The following OR4Q3 variants were observed in gnomAD, a reference collection of about 807,000 sequenced individuals.
The protein encoded by OR4Q3 is olfactory receptor family 4 subfamily Q member 3.
A neutral mutation model predicts 18.8 loss-of-function variants in OR4Q3; 17 were observed. That is an observed-to-expected ratio of 0.91 (90% CI 0.62 to 1.36). OR4Q3 has a LOEUF of 1.36. Ranked by LOEUF, OR4Q3 falls within the 40% of genes most tolerant of loss-of-function variation. The pLI, the probability that OR4Q3 is intolerant of heterozygous loss-of-function variation, is 0.00. For missense variants in OR4Q3, 378 were observed against 373.4 expected, an observed-to-expected ratio of 1.01 and a Z score of -0.10; for synonymous variants, 158 against 145.8, an observed-to-expected ratio of 1.08 and a Z score of -0.60.
chr14:19,751,858 T>C, downstream of OR4Q3, among the ~76,000 whole-genome samples: 1 of 152,214 alleles, frequency 6.6e-6, no homozygotes, highest in African/African-American at 2.4e-5. Context: ...ACCTTTTGTA[T>C]AGATTTTTGC....
At chr14:19,748,101 C>T in exon 2 of OR4Q3, 24 of 1,614,092 alleles carry the variant, frequency 1.5e-5, no homozygotes, top group Non-Finnish European at 2.0e-5. Flanking sequence ...ATCCTGATCA[C>T]CCTGAGAACA....
intron 1 of OR4Q3, among the ~76,000 whole-genome samples, chr14:19,746,059 T>G: frequency 6.6e-6 from 1 of 152,006 alleles, no homozygotes; most frequent in Admixed American, 6.6e-5. Context: ...AGGTTTTCAT[T>G]TTTAGAATTT....
chr14:19,749,963 CT>C, downstream of OR4Q3, among the ~76,000 whole-genome samples: 1 of 141,918 alleles, frequency 7.0e-6, no homozygotes, highest in East Asian at 2.1e-4. Flanking sequence ...TTCTTTCTCT[CT>C]CTTTCTCTCT....
chr14:19,752,177 A>G, downstream of OR4Q3, among the ~76,000 whole-genome samples: 2 of 152,238 alleles, frequency 1.3e-5, no homozygotes, highest in African/African-American at 4.8e-5. Context: ...AGTGGGACCT[A>G]GGTAAATGAA....
chr14:19,746,662 T>C, intron 1 of OR4Q3, among the ~76,000 whole-genome samples: 3 of 152,208 alleles, frequency 2.0e-5, no homozygotes, highest in Non-Finnish European at 4.4e-5. Flanking sequence ...TTTTACAAAC[T>C]TCCTAATTTC....
exon 2 of OR4Q3, chr14:19,747,635 A>C: frequency 6.2e-7 from 1 of 1,613,986 alleles, no homozygotes; most frequent in East Asian, 2.2e-5. Context: ...TCTCTCTTTC[A>C]TTGACCTATG....
intron 1 of OR4Q3, among the ~76,000 whole-genome samples, chr14:19,745,568 AT>A: frequency 6.6e-6 from 1 of 152,170 alleles, no homozygotes; most frequent in East Asian, 1.9e-4. Context: ...AATTAAAAAA[AT>A]AACTTTGGTT....
chr14:19,746,452 G>A, intron 1 of OR4Q3, among the ~76,000 whole-genome samples: 1 of 152,138 alleles, frequency 6.6e-6, no homozygotes, highest in African/African-American at 2.4e-5. Context: ...GAAAAGTCCA[G>A]AAGCAACACA....
chr14:19,747,376 C>G, intron 1 of OR4Q3, 30 bp from the exon 2 acceptor site: 1 of 1,217,156 alleles, frequency 8.2e-7, no homozygotes, highest in Non-Finnish European at 1.2e-6. Context: ...TACCTTAAAT[C>G]TCCCTTGTTC....
chr14:19,743,917 C>T (rs1877370938), intron 1 of OR4Q3, among the ~76,000 whole-genome samples: 1 of 152,144 alleles, frequency 6.6e-6, no homozygotes, highest in East Asian at 1.9e-4. Context: ...AAGACAGTTG[C>T]AATATTTGGA....
chr14:19,746,316 T>G, intron 1 of OR4Q3, among the ~76,000 whole-genome samples: 30 of 152,184 alleles, frequency 2.0e-4, no homozygotes, highest in Admixed American at 8.5e-4. Context: ...GTTCTCTGAT[T>G]TTCTGTTTGT....
At chr14:19,744,059 C>T (rs1205157964) in intron 1 of OR4Q3, among the ~76,000 whole-genome samples, 4 of 150,746 alleles carry the variant, frequency 2.7e-5, no homozygotes, top group East Asian at 3.9e-4. Flanking sequence ...TTTCTTTTTA[C>T]TAAAATCCTC....
exon 2 of OR4Q3, chr14:19,747,520 T>G: frequency 2.5e-6 from 4 of 1,613,576 alleles, no homozygotes; most frequent in East Asian, 4.5e-5. Flanking sequence ...TCTTACTATT[T>G]TTGTTTTTTT....
chr14:19,750,945 G>A, downstream of OR4Q3, among the ~76,000 whole-genome samples: 1 of 152,228 alleles, frequency 6.6e-6, no homozygotes, highest in East Asian at 1.9e-4. Context: ...TGAAGTGCAG[G>A]AAACTGCCCA....
At position 19,747,428 on chromosome 14, in the gene OR4Q3, AT is replaced by A; in HGVS notation, c.26del (p.Met9ArgfsTer9). 2 of 1,590,792 alleles carry A rather than the reference AT, an allele frequency of 1.3e-6. No individual in the cohort carries two copies. The highest frequency in any genetic ancestry group is 1.7e-6 in the Non-Finnish European group (2 of 1,169,596). On this transcript the variant is annotated frameshift_variant, in exon 2 of 2. Transcript: ENST00000642117. LOFTEE classifies it high-confidence loss of function. ...TAGGTCACTTGATATTCTTGGCTTG[AT>A]GAAAAAAGAACAAGATTCTAATGTG...
chr14:19,751,545 T>TA, downstream of OR4Q3, among the ~76,000 whole-genome samples: 1 of 150,892 alleles, frequency 6.6e-6, no homozygotes, highest in African/African-American at 2.4e-5. Flanking sequence ...TTTTTTTTTT[T>TA]AAATTACTGA....
downstream of OR4Q3, among the ~76,000 whole-genome samples, chr14:19,749,892 T>C: frequency 5.7e-5 from 1 of 17,648 alleles, no homozygotes. Context: ...CTTTCTTTCT[T>C]TCTTTCTTTC....
At chr14:19,747,493 G>C in exon 2 of OR4Q3, 1 of 1,613,562 alleles carries the variant, frequency 6.2e-7, no homozygotes, top group Non-Finnish European at 8.5e-7. Context: ...CTTCTTGGGA[G>C]CTGCAGCTAT....
downstream of OR4Q3, among the ~76,000 whole-genome samples, chr14:19,749,646 A>G: frequency 6.7e-6 from 1 of 148,650 alleles, no homozygotes; most frequent in Non-Finnish European, 1.5e-5. Flanking sequence ...AAAGCAAGCT[A>G]ATAATTATAT....
Sources: gnomAD v4.1 joint callset for allele counts (sites outside exome capture counted in the v4.1 genomes callset) on GRCh38, gnomAD v4.1.1 for gene constraint, MANE v1.5 for transcripts, NCBI Gene and HGNC (gene_info 2026-07-23, HGNC 2026-07-21) for gene names.